TBCD: variants seen among roughly 807,000 people sequenced by gnomAD.
TBCD encodes the protein tubulin folding cofactor D.
Under a neutral mutation model 169.3 loss-of-function variants are expected in TBCD, and 105 were observed. That is an observed-to-expected ratio of 0.62 (90% CI 0.53 to 0.73). The LOEUF (loss-of-function observed/expected upper bound fraction) is 0.73. TBCD is among the 30% of genes least tolerant of loss of function. TBCD has a pLI of 0.00. For missense variants in TBCD, 1,444 were observed against 1,600.1 expected, an observed-to-expected ratio of 0.90 and a Z score of 1.66; for synonymous variants, 700 against 643.9, an observed-to-expected ratio of 1.09 and a Z score of -1.32.
At chr17:82,897,460 G>C (rs1231917741) in intron 17 of TBCD, among the ~76,000 whole-genome samples, 1 of 149,032 alleles carries the variant, frequency 6.7e-6, no homozygotes, top group Non-Finnish European at 1.5e-5. Context: ...GGAGGTTACA[G>C]TGAGCCGAAA....
rs1368986840 is a variant in TBCD at position 82,915,346 on chromosome 17, C to T, written c.2038+3557C>T. On this transcript the variant is annotated intron_variant, in intron 23 of 38. Coordinates refer to ENST00000355528, the MANE Select transcript of TBCD (RefSeq NM_005993.5). The surrounding 1 kb of genome is among the most constrained non-coding windows in gnomAD (Gnocchi z 4.3). ...TGGCTCAACCCTTGGGAGTCGTCTGCGTCCCCATATCAAAGAAATGTCATA... is the reference window on the plus strand; with the variant it reads ...TGGCTCAACCCTTGGGAGTCGTCTGTGTCCCCATATCAAAGAAATGTCATA... Among the ~76,000 whole-genome samples the T allele has an allele frequency of 1.3e-5, 2 of 152,116 alleles. No individual in the cohort carries two copies. The highest frequency in any genetic ancestry group is 2.9e-5 in the Non-Finnish European group (2 of 68,028).
intron 35 of TBCD, 91 bp downstream of exon 35, chr17:82,937,451 G>C: frequency 1.8e-6 from 2 of 1,133,996 alleles, no homozygotes; most frequent in Middle Eastern, 2.0e-4. Context: ...AGGCGGGAGA[G>C]GAGCAGTTAG....
intron 13 of TBCD, chr17:82,830,325 G>C (rs1460718970): frequency 1.2e-6 from 2 of 1,614,024 alleles, no homozygotes; most frequent in Non-Finnish European, 1.7e-6. Flanking sequence ...TGTCTTGCCG[G>C]CAGGCAGGTT....
chr17:82,800,823 C>G (rs752175617), intron 8 of TBCD, 41 bp from the exon 9 acceptor site: 4 of 1,581,370 alleles, frequency 2.5e-6, no homozygotes, highest in African/African-American at 1.4e-5. Flanking sequence ...TCAGAAGATG[C>G]CTGCAGCCCT....
At chr17:82,815,131 A>G (rs766008733) in intron 13 of TBCD, among the ~76,000 whole-genome samples, 197 bp downstream of exon 13, 1 of 152,208 alleles carries the variant, frequency 6.6e-6, no homozygotes. Flanking sequence ...GGGCACGCCC[A>G]GAAGAGCTTG....
intron 13 of TBCD, among the ~76,000 whole-genome samples, chr17:82,824,244 C>T (rs984333260): frequency 1.3e-5 from 2 of 149,832 alleles, no homozygotes; most frequent in Admixed American, 6.6e-5. Context: ...TGCAGTGGTG[C>T]GATCTCGGCT....
chr17:82,850,072 G>C (rs2055582196), intron 13 of TBCD, among the ~76,000 whole-genome samples: 4 of 22,190 alleles, frequency 1.8e-4, no homozygotes, highest in African/African-American at 6.9e-4. Context: ...GCTGCTGTTG[G>C]CTGTGCTGTG....
At chr17:82,865,582 C>G in intron 13 of TBCD, 1 of 980,828 alleles carries the variant, frequency 1.0e-6, no homozygotes, top group Non-Finnish European at 1.2e-6. Flanking sequence ...CGCCCAGTGC[C>G]GAAATGGGAA....
chr17:82,812,356 G>T (rs994007660), intron 12 of TBCD, among the ~76,000 whole-genome samples: 6 of 152,176 alleles, frequency 3.9e-5, no homozygotes, highest in African/African-American at 1.4e-4. Context: ...GCCTCACCAC[G>T]TGGGTTCCTT....
At chr17:82,849,212 C>T (rs1037993615) in intron 13 of TBCD, among the ~76,000 whole-genome samples, 1 of 139,700 alleles carries the variant, frequency 7.2e-6, no homozygotes, top group Non-Finnish European at 1.5e-5. Context: ...CCCCCTCTGC[C>T]TGCTGCGTCT....
chr17:82,915,697 G>A lies in TBCD; in HGVS notation c.2038+3908G>A, dbSNP rs570110685. 2.0e-5 allele frequency among the ~76,000 whole-genome samples: 3 copies of A among 152,262 alleles called. No individual in the cohort carries two copies. Among genetic ancestry groups the A allele is most frequent in the South Asian group, 2.1e-4 (1 of 4,808 alleles). On this transcript the variant is annotated intron_variant, in intron 23 of 38. Coordinates refer to ENST00000355528, the MANE Select transcript of TBCD (RefSeq NM_005993.5). This position sits in a 1 kb window ranked among gnomAD's most constrained non-coding sequence, Gnocchi z 4.3. Reference sequence around the variant, plus strand: ...ATGTGGATCACCGAGGGCAGGGGCCGGGAGGAAGGGGGTCATCTGGCTCAC... The same window carrying A: ...ATGTGGATCACCGAGGGCAGGGGCCAGGAGGAAGGGGGTCATCTGGCTCAC...
chr17:82,900,168 C>CT (rs2059792033), intron 17 of TBCD, among the ~76,000 whole-genome samples: 1 of 152,220 alleles, frequency 6.6e-6, no homozygotes, highest in Admixed American at 6.5e-5. Flanking sequence ...GGAGCCCCCC[C>CT]ATGTCTGCTC....
rs907315710 is a variant in TBCD, at chr17:82,920,320, C to T, written c.2039-236C>T. 26 of 578,544 alleles carry T rather than the reference C, an allele frequency of 4.5e-5. No individual in the cohort carries two copies. The East Asian group carries it at 4.6e-4, about 10-fold the overall frequency. The allele number at this position is 578,544 out of a possible 1,614,324, so 35.8% of individuals were successfully genotyped here. A position where few individuals can be genotyped will look rare whatever the true frequency, so the allele number is the denominator to read the frequency against. On this transcript the variant is annotated intron_variant, in intron 23 of 38. Transcript: ENST00000355528. This position sits in a 1 kb window ranked among gnomAD's most constrained non-coding sequence, Gnocchi z 4.1. ...GGGCTCACACATGGGCCTTCTGCCA[C>T]GTGGCTGGGTCTGCAGCACTTTCTT...
chr17:82,901,682 C>T (rs906582403), intron 18 of TBCD, among the ~76,000 whole-genome samples: 2 of 152,004 alleles, frequency 1.3e-5, no homozygotes, highest in Non-Finnish European at 2.9e-5. Context: ...GGGAGCGGCC[C>T]GGCTGCCTAC....
rs2061363316 is a variant in TBCD, at chr17:82,920,615, AT to A, written c.2100del (p.Ile700MetfsTer7). On this transcript the variant is annotated frameshift_variant and splice_region_variant, in exon 24 of 39. Transcript: ENST00000355528. LOFTEE classifies it high-confidence loss of function. This position sits in a 1 kb window ranked among gnomAD's most constrained non-coding sequence, Gnocchi z 4.1. ...AATGCCCTTTAGAGGTGACACCGTA[AT>A]TGGTAAGTGCTTTTGTTTTTAATAA... ...SKMPFRGDTV[I>X]DGWQWLINDT... 7.7e-6 allele frequency: 12 copies of A among 1,550,748 alleles called. No homozygotes were observed. The highest frequency in any genetic ancestry group is 1.0e-5 in the Non-Finnish European group (12 of 1,147,524).
intron 13 of TBCD, among the ~76,000 whole-genome samples, chr17:82,848,726 G>A (rs2055369691): frequency 2.0e-5 from 3 of 152,148 alleles, no homozygotes; most frequent in Admixed American, 2.0e-4. Flanking sequence ...GAAAATAGAT[G>A]CGAACAGACA....
At chr17:82,847,332 A>G (rs540668043) in intron 13 of TBCD, among the ~76,000 whole-genome samples, 27 of 148,428 alleles carry the variant, frequency 1.8e-4, no homozygotes, top group South Asian at 1.5e-3. Flanking sequence ...CAGCCTGGGC[A>G]ACAGAGCGAG....
intron 17 of TBCD, among the ~76,000 whole-genome samples, chr17:82,899,634 T>C (rs1231140672): frequency 1.3e-5 from 2 of 152,274 alleles, no homozygotes; most frequent in Non-Finnish European, 2.9e-5. Context: ...TTCATGTGGA[T>C]GTGTATTTTC....
In TBCD at chr17:82,831,449, G is replaced by A. The variant is rs773404037; in HGVS notation, c.1318+16515G>A. On this transcript the variant is annotated intron_variant, in intron 13 of 38. Coordinates refer to ENST00000355528, the MANE Select transcript of TBCD (RefSeq NM_005993.5). This position sits in a 1 kb window ranked among gnomAD's most constrained non-coding sequence, Gnocchi z 4.6. ...TCTCGGGTGAGGCCAGTGACAGGTGGGAGTCTGAGACCATAGGAGGAAAAT... is the reference window on the plus strand; with the variant it reads ...TCTCGGGTGAGGCCAGTGACAGGTGAGAGTCTGAGACCATAGGAGGAAAAT... 1 of 1,614,166 alleles carries A rather than the reference G, an allele frequency of 6.2e-7. No homozygotes were observed. Among genetic ancestry groups the A allele is most frequent in the Admixed American group, 1.7e-5 (1 of 60,030 alleles).
Sources: gnomAD v4.1 joint callset for allele counts (sites outside exome capture counted in the v4.1 genomes callset) on GRCh38, gnomAD v4.1.1 for gene constraint, Gnocchi (gnomAD v3.1) non-coding constraint, MANE v1.5 for transcripts, NCBI Gene and HGNC (gene_info 2026-07-23, HGNC 2026-07-21) for gene names.